ZGRF1: variants seen among roughly 807,000 people sequenced by gnomAD.
The protein encoded by ZGRF1 is 5'-3' DNA helicase ZGRF1.
Under a neutral mutation model 203.5 loss-of-function variants are expected in ZGRF1, and 196 were observed. The ratio of observed to expected loss-of-function variants is 0.96; its 90% CI spans 0.86 to 1.08. The LOEUF is 1.08. ZGRF1 is among the 50% of genes least tolerant of loss of function. ZGRF1 has a pLI of 0.00. For synonymous variants in ZGRF1, 809 were observed against 841.3 expected (o/e 0.96, Z 0.66); for missense variants, 2,326 against 2,416.3 (o/e 0.96, Z 0.78).
Position 112,539,667 on chromosome 4 carries a change from A to G in ZGRF1, c.6195T>C (p.His2065=). The G allele has an allele frequency of 6.2e-7, 1 of 1,602,582 alleles. No homozygotes were observed. The highest frequency in any genetic ancestry group is 8.5e-7 in the Non-Finnish European group (1 of 1,176,200). The change falls in exon 28 of 28, where the codon CAT becomes CAC. Residue 2065 remains histidine (H), a synonymous_variant. Coordinates refer to ENST00000505019, the MANE Select transcript of ZGRF1 (RefSeq NM_018392.5). The part of the protein sequence containing the change: ...HCEGREDGLQ[H]ANQYEPQLNH... ...TCAGCTGTGGTTCATACTGGTTTGCATGTTGCAATCCATCTTCCCTTCCTT... is the reference window on the plus strand; with the variant it reads ...TCAGCTGTGGTTCATACTGGTTTGCGTGTTGCAATCCATCTTCCCTTCCTT...
In ZGRF1 at chr4:112,558,309, C is replaced by T. The variant is rs1449674843; in HGVS notation, c.4961G>A (p.Gly1654Asp). 2.7e-6 allele frequency: 4 copies of T among 1,506,528 alleles called. No homozygotes were observed. In the East Asian group the frequency reaches 1.0e-4, roughly 38 times the overall value. 93.3% of individuals were successfully genotyped at this position (1,506,528 alleles called of 1,614,324 possible). A position where few individuals can be genotyped will look rare whatever the true frequency, so the allele number is the denominator to read the frequency against. ...GTAACTCTTTCCTGCTCCAAACACACCTAATTATTTTAAAAGAAGAAAAAA... is the reference window on the plus strand; with the variant it reads ...GTAACTCTTTCCTGCTCCAAACACATCTAATTATTTTAAAAGAAGAAAAAA... ...THTFPITIIH[G>D]VFGAGKSYLL... is the part of the protein sequence containing the mutation. Residue 1654 changes from glycine to aspartate, a missense_variant and splice_region_variant, in exon 20 of 28, where the codon GGT becomes GAT. Gly to Asp is a moderately conservative substitution (Grantham distance 94). Coordinates refer to ENST00000505019, the MANE Select transcript of ZGRF1 (RefSeq NM_018392.5).
chr4:112,632,131 T>A, intron 2 of ZGRF1, 121 bp from the exon 3 acceptor site: 3 of 405,726 alleles, frequency 7.4e-6, no homozygotes, highest in East Asian at 3.7e-5. Flanking sequence ...AAAAGGCACA[T>A]ACACCCATAT....
chr4:112,587,704 T>C lies in ZGRF1; in HGVS notation c.3353A>G (p.Gln1118Arg), dbSNP rs1284934884. The C allele has an allele frequency of 6.2e-7, 1 of 1,601,062 alleles. No homozygotes were observed. Among genetic ancestry groups the C allele is most frequent in the Non-Finnish European group, 8.5e-7 (1 of 1,172,854 alleles). ...VLSFSIEPED[Q>R]NETFFSEESR... ...TTCTTCAGAGAAAAAGGTTTCATTTTGGTCCTCAGGCTCAATGCTAAACGA... is the reference window on the plus strand; with the variant it reads ...TTCTTCAGAGAAAAAGGTTTCATTTCGGTCCTCAGGCTCAATGCTAAACGA... The change falls in exon 12 of 28, where the codon CAA (glutamine) becomes CGA (arginine). Residue 1118 changes from glutamine to arginine, a missense_variant. By Grantham distance (43) the Gln-to-Arg change is conservative. Transcript: ENST00000505019.
At chr4:112,558,341 A>G in intron 19 of ZGRF1, 32 bp from the exon 20 acceptor site, 9 of 1,435,490 alleles carry the variant, frequency 6.3e-6, no homozygotes, top group Non-Finnish European at 8.3e-6. Flanking sequence ...AAAAATAAAA[A>G]GCATAAAATA....
intron 4 of ZGRF1, 101 bp from the exon 5 acceptor site, chr4:112,620,291 T>C (rs1379729063): frequency 2.6e-6 from 2 of 754,974 alleles, no homozygotes; most frequent in South Asian, 2.3e-5. Flanking sequence ...GTTCAATAAA[T>C]AGGTGTTGAA....
At chr4:112,628,041 T>C (rs1169513611) in intron 3 of ZGRF1, among the ~76,000 whole-genome samples, 1 of 152,176 alleles carries the variant, frequency 6.6e-6, no homozygotes, top group South Asian at 2.1e-4. Flanking sequence ...AAAATATATA[T>C]ATATGCTTCA....
At chr4:112,554,160 G>A (rs111818895) in intron 21 of ZGRF1, among the ~76,000 whole-genome samples, 178 bp from the exon 22 acceptor site, 2,347 of 151,206 alleles carry the variant, frequency 0.016, 61 homozygotes, top group African/African-American at 0.054. Flanking sequence ...CCATTAACTC[G>A]TCATTTAACA....
chr4:112,632,007 G>A lies in ZGRF1; in HGVS notation c.25C>T (p.Leu9=). ...TTCTTCATCTTTTGATGAGTATATAGAACCTTATTTCCAAAAATACAAAAG... is the reference window on the plus strand; with the variant it reads ...TTCTTCATCTTTTGATGAGTATATAAAACCTTATTTCCAAAAATACAAAAG... MESQEFIV[L]YTHQKMKKSK... The change falls in exon 3 of 28, where the codon CTA becomes TTA. Residue 9 remains leucine, a synonymous_variant. Transcript: ENST00000505019. 1.3e-6 allele frequency: 2 copies of A among 1,500,520 alleles called. No homozygotes were observed. The highest frequency in any genetic ancestry group is 1.8e-6 in the Non-Finnish European group (2 of 1,111,752). The allele number at this position is 1,500,520 out of a possible 1,614,324, so 93.0% of individuals were successfully genotyped here.
chr4:112,631,468 G>A lies in ZGRF1; in HGVS notation c.102+462C>T, dbSNP rs908585719. 6.6e-5 allele frequency among the ~76,000 whole-genome samples: 10 copies of A among 152,168 alleles called. No homozygotes were observed. In the South Asian group the frequency reaches 8.3e-4, roughly 13 times the overall value. ...GCAGCTCACCTGAGGTCAGGAGTTC[G>A]AGACAAGCCTGGGAAACATGGTGAA... On this transcript the variant is annotated intron_variant, in intron 3 of 27. Coordinates refer to ENST00000505019, the MANE Select transcript of ZGRF1 (RefSeq NM_018392.5).
chr4:112,565,196 G>A lies in ZGRF1; in HGVS notation c.4439-1922C>T, dbSNP rs1466353867. On this transcript the variant is annotated intron_variant, in intron 16 of 27. Coordinates refer to ENST00000505019, the MANE Select transcript of ZGRF1 (RefSeq NM_018392.5). ...CTGATTCGCTAACTTCCCTTCCAGC[G>A]TCTGGTGCGAGAAATTGCTCAGGAC... 45 of 1,563,108 alleles carry A rather than the reference G, an allele frequency of 2.9e-5. 1 individual carries two copies. In the South Asian group the frequency reaches 4.1e-4, roughly 14 times the overall value.
At chr4:112,630,747 C>T (rs1405133857) in intron 3 of ZGRF1, among the ~76,000 whole-genome samples, 1 of 151,856 alleles carries the variant, frequency 6.6e-6, no homozygotes, top group African/African-American at 2.4e-5. Context: ...AAAAATTAGC[C>T]GGGCGTGGTG....
chr4:112,625,058 T>A (rs1388694967), intron 3 of ZGRF1, among the ~76,000 whole-genome samples: 1 of 152,128 alleles, frequency 6.6e-6, no homozygotes, highest in Non-Finnish European at 1.5e-5. Flanking sequence ...CAGGCTGAGA[T>A]GCAAGGATTA....
intron 3 of ZGRF1, among the ~76,000 whole-genome samples, chr4:112,624,994 A>AT (rs2047184635): frequency 1.3e-5 from 2 of 152,172 alleles, no homozygotes; most frequent in African/African-American, 4.8e-5. Flanking sequence ...AACATGACGT[A>AT]TTGGGCTTGG....
intron 16 of ZGRF1, among the ~76,000 whole-genome samples, chr4:112,571,039 G>A (rs1192878368): frequency 1.3e-5 from 2 of 152,002 alleles, no homozygotes; most frequent in South Asian, 4.2e-4. Context: ...AGGAGGTGGA[G>A]GTTGCAGTGA....
chr4:112,545,487 T>C (rs1044806248), intron 24 of ZGRF1, among the ~76,000 whole-genome samples: 2 of 152,168 alleles, frequency 1.3e-5, no homozygotes, highest in Admixed American at 6.5e-5. Flanking sequence ...ACAAGAAGTG[T>C]TGGTGAGAAT....
At chr4:112,562,546 G>C (rs1742202376) in intron 17 of ZGRF1, 61 bp from the exon 18 acceptor site, 10 of 993,914 alleles carry the variant, frequency 1.0e-5, no homozygotes, top group Non-Finnish European at 1.6e-5. Context: ...TAAAAACTCT[G>C]TGTTAAATGC....
intron 23 of ZGRF1, 43 bp from the exon 24 acceptor site, chr4:112,547,451 G>T: frequency 6.4e-7 from 1 of 1,565,498 alleles, no homozygotes; most frequent in South Asian, 1.2e-5. Context: ...ATTAAAATGG[G>T]TGCATTAACA....
chr4:112,542,966 G>A (rs1737980736), intron 24 of ZGRF1, among the ~76,000 whole-genome samples: 2 of 151,974 alleles, frequency 1.3e-5, no homozygotes, highest in Non-Finnish European at 2.9e-5. Context: ...TGAGATTATA[G>A]ATTATAGGCA....
intron 20 of ZGRF1, 63 bp from the exon 21 acceptor site, chr4:112,554,845 A>C (rs1740647519): frequency 1.2e-6 from 1 of 851,628 alleles, no homozygotes; most frequent in Non-Finnish European, 1.8e-6. Flanking sequence ...AGTTTCATAT[A>C]ATAACTGTTA....
Sources: gnomAD v4.1 joint callset for allele counts (sites outside exome capture counted in the v4.1 genomes callset) on GRCh38, gnomAD v4.1.1 for gene constraint, MANE v1.5 for transcripts, NCBI Gene and HGNC (gene_info 2026-07-23, HGNC 2026-07-21) for gene names.